Variants in PLD2 observed in about 807,000 individuals in gnomAD.
The protein encoded by PLD2 is choline phosphatase 2.
Under a neutral mutation model 119.8 loss-of-function variants are expected in PLD2, and 101 were observed. The ratio of observed to expected loss-of-function variants is 0.84; its 90% CI spans 0.72 to 0.99. PLD2 has a LOEUF of 0.99. Ranked by LOEUF, PLD2 falls within the 50% of genes least tolerant of loss-of-function variation. PLD2 has a pLI of 0.00. For missense variants in PLD2, 1,164 were observed against 1,226.8 expected, an observed-to-expected ratio of 0.95 and a Z score of 0.76; for synonymous variants, 494 against 482.8, an observed-to-expected ratio of 1.02 and a Z score of -0.30.
Position 4,815,835 on chromosome 17 carries a change from A to G in PLD2, c.1356A>G (p.Val452=), listed in dbSNP as rs776152193. ...HEKLLVVDQV[V]AFLGGLDLAY... is the part of the protein sequence containing the mutation. ...AGCTCCTGGTGGTGGACCAAGTGGT[A>G]GCATTCCTGGGGGGACTGGACCTTG... Residue 452 remains valine, a synonymous_variant, in exon 14 of 25, where the codon GTA becomes GTG. Coordinates refer to ENST00000263088, the MANE Select transcript of PLD2 (RefSeq NM_002663.5). The G allele has an allele frequency of 1.2e-6, 2 of 1,614,116 alleles. No homozygotes were observed. Among genetic ancestry groups the G allele is most frequent in the South Asian group, 2.2e-5 (2 of 91,078 alleles).
Position 4,822,784 on chromosome 17 carries a change from C to T in PLD2, c.2722C>T (p.Leu908Phe), listed in dbSNP as rs534071621. Residue 908 changes from leucine (L) to phenylalanine (F), a missense_variant, in exon 25 of 25, where the codon CTC (leucine) becomes TTC (phenylalanine). Physicochemically the swap from Leu to Phe is conservative, Grantham distance 22. Transcript: ENST00000263088. The stretch of plus-strand genomic sequence containing the variant: ...CCAGGGCCACCTGGTCCACTTCCCC[C>T]TCAAGTTCCTAGAGGATGAGTCTTT... ...QVQGHLVHFP[L>F]KFLEDESLLP... is the part of the protein sequence containing the mutation. 9 of 1,613,916 alleles carry T rather than the reference C, an allele frequency of 5.6e-6. No individual in the cohort carries two copies. In the East Asian group the frequency reaches 1.8e-4, roughly 32 times the overall value.
Position 4,819,526 on chromosome 17 carries a change from T to A in PLD2, c.2406T>A (p.Asn802Lys), listed in dbSNP as rs760254273. ...CAGAGACGGAACCATCCCTCATGAA[T>A]GGGGCAGAGTATCAGGCGGGCAGGT... ...EDTETEPSLMNGAEYQAGRFA... is the reference protein window; with the variant it reads ...EDTETEPSLMKGAEYQAGRFA... Residue 802 changes from asparagine to lysine, a missense_variant, in exon 23 of 25, where the codon AAT becomes AAA. Asn to Lys is a moderately conservative substitution (Grantham distance 94). Transcript: ENST00000263088. The surrounding 1 kb of genome is among the most constrained non-coding windows in gnomAD (Gnocchi z 4.2). The A allele has an allele frequency of 5.0e-6, 8 of 1,613,718 alleles. No individual in the cohort carries two copies.
intron 10 of PLD2, among the ~76,000 whole-genome samples, 188 bp downstream of exon 10, chr17:4,811,139 C>T (rs1395273640): frequency 6.6e-6 from 1 of 151,910 alleles, no homozygotes; most frequent in Non-Finnish European, 1.5e-5. Context: ...TCGCGCCGAC[C>T]TTTCTGACCC....
chr17:4,812,054 A>G (rs1408974030), intron 10 of PLD2, among the ~76,000 whole-genome samples: 2 of 151,542 alleles, frequency 1.3e-5, no homozygotes, highest in Admixed American at 1.3e-4. Flanking sequence ...GGCTCAAGGG[A>G]TCATCCTGCC....
Position 4,808,292 on chromosome 17 carries a change from T to C in PLD2, c.259T>C (p.Tyr87His), listed in dbSNP as rs200755009. Reference sequence around the variant, plus strand: ...CCCCTAGGTGGGAACCTGCACTCTGTATTCTGTCCGCTTGACTCACGGCGA... The same window carrying C: ...CCCCTAGGTGGGAACCTGCACTCTGCATTCTGTCCGCTTGACTCACGGCGA... ...SGSKVGTCTL[Y>H]SVRLTHGDFS... Residue 87 changes from tyrosine to histidine, a missense_variant, in exon 4 of 25, where the codon TAT becomes CAT. Tyr to His is a moderately conservative substitution (Grantham distance 83). Coordinates refer to ENST00000263088, the MANE Select transcript of PLD2 (RefSeq NM_002663.5). The surrounding 1 kb of genome is among the most constrained non-coding windows in gnomAD (Gnocchi z 4.1). 2.5e-6 allele frequency: 4 copies of C among 1,614,068 alleles called. No homozygotes were observed. In the African/African-American group the frequency reaches 5.3e-5, roughly 22 times the overall value.
chr17:4,819,347 G>A lies in PLD2; in HGVS notation c.2309-82G>A, dbSNP rs1907399246. On this transcript the variant is annotated intron_variant, in intron 22 of 24. Transcript: ENST00000263088. This position sits in a 1 kb window ranked among gnomAD's most constrained non-coding sequence, Gnocchi z 4.2. The stretch of plus-strand genomic sequence containing the variant: ...GAGGGTCCAAGAAGGAATGTTGCAG[G>A]CCAGTGCTTTGGTAGAGGGGATGGG... The A allele has an allele frequency of 7.5e-6, 12 of 1,602,214 alleles. No individual in the cohort carries two copies. The highest frequency in any genetic ancestry group is 1.3e-5 in the African/African-American group (1 of 74,740).
chr17:4,813,150 C>T (rs1906642335), intron 10 of PLD2, among the ~76,000 whole-genome samples: 1 of 152,182 alleles, frequency 6.6e-6, no homozygotes, highest in Non-Finnish European at 1.5e-5. Flanking sequence ...GCTGGGATTA[C>T]AGGCGTGCAC....
Position 4,815,639 on chromosome 17 carries a change from G to A in PLD2, c.1284+53G>A, listed in dbSNP as rs1230877296. 4.4e-6 allele frequency: 7 copies of A among 1,580,054 alleles called. No homozygotes were observed. The Admixed American group carries it at 6.7e-5, about 15-fold the overall frequency. ...ACATGACAGCCCTTCTCCCCACACT[G>A]TCCCAGCCCCCAGCGCTCCCGCTCC... On this transcript the variant is annotated intron_variant, in intron 13 of 24. Coordinates refer to ENST00000263088, the MANE Select transcript of PLD2 (RefSeq NM_002663.5).
rs200788514 is a variant in PLD2, at chr17:4,809,375, G to A, written c.555+12G>A. 2.5e-4 allele frequency: 404 copies of A among 1,614,014 alleles called. No homozygotes were observed. The Middle Eastern group carries it at 3.3e-3, about 13-fold the overall frequency. On this transcript the variant is annotated intron_variant, in intron 6 of 24. Coordinates refer to ENST00000263088, the MANE Select transcript of PLD2 (RefSeq NM_002663.5). The stretch of plus-strand genomic sequence containing the variant: ...ACTACCATGCCATGGTAAGGTCCAG[G>A]GGCCGATTTTAGATGTGGAGCAGGA...
At chr17:4,815,002 G>A (rs879851987) in intron 12 of PLD2, among the ~76,000 whole-genome samples, 1 of 152,142 alleles carries the variant, frequency 6.6e-6, no homozygotes, top group South Asian at 2.1e-4. Context: ...CACTGGACTA[G>A]TTAATATCAC....
chr17:4,821,994 A>C, intron 24 of PLD2, 87 bp downstream of exon 24: 2 of 823,586 alleles, frequency 2.4e-6, no homozygotes, highest in Non-Finnish European at 4.1e-6. Flanking sequence ...AAGCGCCACC[A>C]TACAGTCATT....
Position 4,819,043 on chromosome 17 carries a change from A to G in PLD2, c.2174-41A>G, listed in dbSNP as rs1483661362. 1.2e-6 allele frequency: 2 copies of G among 1,610,892 alleles called. No individual in the cohort carries two copies. Among genetic ancestry groups the G allele is most frequent in the African/African-American group, 2.7e-5 (2 of 74,892 alleles). ...GGAGGTGGGACAGGGCCCTGTGCACACAGAGCCACCTCTCACCTCACTTCC... is the reference window on the plus strand; with the variant it reads ...GGAGGTGGGACAGGGCCCTGTGCACGCAGAGCCACCTCTCACCTCACTTCC... On this transcript the variant is annotated intron_variant, in intron 21 of 24. Coordinates refer to ENST00000263088, the MANE Select transcript of PLD2 (RefSeq NM_002663.5). The surrounding 1 kb of genome is among the most constrained non-coding windows in gnomAD (Gnocchi z 4.2).
intron 10 of PLD2, among the ~76,000 whole-genome samples, chr17:4,813,339 G>A (rs767408238): frequency 7.2e-5 from 11 of 152,246 alleles, no homozygotes; most frequent in Admixed American, 1.3e-4. Flanking sequence ...GTGCATGCAC[G>A]TGTTACTTTT....
intron 21 of PLD2, 101 bp downstream of exon 21, chr17:4,818,924 G>C (rs1044237190): frequency 5.5e-5 from 81 of 1,480,668 alleles, no homozygotes; most frequent in Non-Finnish European, 7.4e-5. Flanking sequence ...TCACTCCTGT[G>C]AGCCTCTGAC....
chr17:4,809,990 C>T lies in PLD2; in HGVS notation c.821C>T (p.Thr274Met), dbSNP rs370830303. The change falls in exon 9 of 25, where the codon ACG (threonine) becomes ATG (methionine). Residue 274 changes from threonine to methionine, a missense_variant. By Grantham distance (81) the Thr-to-Met change is moderately conservative. Coordinates refer to ENST00000263088, the MANE Select transcript of PLD2 (RefSeq NM_002663.5). ...GFEVQVGKRS[T>M]EARHGVRIDT... ...GAGGTGCAAGTGGGGAAAAGGAGCA[C>T]GGAGGCACGGCACGGCGTGCGGATC... 3.3e-5 allele frequency: 54 copies of T among 1,613,714 alleles called. No homozygotes were observed. In the African/African-American group the frequency reaches 4.8e-4, roughly 14 times the overall value.
Position 4,822,726 on chromosome 17 carries a change from T to TC in PLD2, c.2670dup (p.Ala892GlyfsTer4), listed in dbSNP as rs757846424. 3 of 1,613,776 alleles carry TC rather than the reference T, an allele frequency of 1.9e-6. No homozygotes were observed. The highest frequency in any genetic ancestry group is 2.2e-5 in the East Asian group (1 of 44,872). ...CCGTGGAGCCCTTGGCCACGGTCAG[T>TC]CCCCCCTTGGCTCGGTCTGAGCTCA... On this transcript the variant is annotated frameshift_variant, in exon 25 of 25. Coordinates refer to ENST00000263088, the MANE Select transcript of PLD2 (RefSeq NM_002663.5). LOFTEE classifies it high-confidence loss of function.
chr17:4,809,345 T>A lies in PLD2; in HGVS notation c.537T>A (p.Tyr179Ter), dbSNP rs1906195597. Residue 179 changes from tyrosine (Y) to a stop codon, truncating the protein, a stop_gained, in exon 6 of 25, where the codon TAT (tyrosine) becomes TAA (stop). Coordinates refer to ENST00000263088, the MANE Select transcript of PLD2 (RefSeq NM_002663.5). LOFTEE classifies it high-confidence loss of function. ...YLNRLLTMSFYRNYHAMTEFL... is the reference protein window; with the variant it reads ...YLNRLLTMSF ...ACCGTCTCTTGACCATGTCTTTCTA[T>A]CGCAACTACCATGCCATGGTAAGGT... 6.2e-7 allele frequency: 1 copy of A among 1,614,000 alleles called. No homozygotes were observed. Among genetic ancestry groups the A allele is most frequent in the Non-Finnish European group, 8.5e-7 (1 of 1,179,958 alleles).
intron 17 of PLD2, 134 bp downstream of exon 17, chr17:4,817,393 T>C (rs915003209): frequency 1.4e-6 from 1 of 711,196 alleles, no homozygotes; most frequent in Non-Finnish European, 2.5e-6. Context: ...CCAGGCACGG[T>C]GGCTCACGCC....
In PLD2 at chr17:4,819,120, G is replaced by C; in HGVS notation, c.2210G>C (p.Gly737Ala). ...TAWRDYISIC[G>A]LRTHGELGGH... is the part of the protein sequence containing the mutation. ...TGGCGGGACTATATTTCCATCTGCG[G>C]GCTTCGTACACACGGAGAGCTGGGC... The change falls in exon 22 of 25, where the codon GGG becomes GCG. Residue 737 changes from glycine to alanine, a missense_variant. Physicochemically the swap from Gly to Ala is moderately conservative, Grantham distance 60. Transcript: ENST00000263088. The surrounding 1 kb of genome is among the most constrained non-coding windows in gnomAD (Gnocchi z 4.2). 2 of 1,614,182 alleles carry C rather than the reference G, an allele frequency of 1.2e-6. No individual in the cohort carries two copies. The highest frequency in any genetic ancestry group is 1.7e-6 in the Non-Finnish European group (2 of 1,180,028).
Sources: gnomAD v4.1 joint callset for allele counts (sites outside exome capture counted in the v4.1 genomes callset) on GRCh38, gnomAD v4.1.1 for gene constraint, Gnocchi (gnomAD v3.1) non-coding constraint, MANE v1.5 for transcripts, NCBI Gene and HGNC (gene_info 2026-07-23, HGNC 2026-07-21) for gene names.